RAPGEF5: variants seen among roughly 807,000 people sequenced by gnomAD.
RAPGEF5 encodes the protein Rap guanine nucleotide exchange factor 5.
Under a neutral mutation model 125.2 loss-of-function variants are expected in RAPGEF5, and 65 were observed. That is an observed-to-expected ratio of 0.52 (90% CI 0.43 to 0.64). The LOEUF is 0.64. Among genes scored for constraint, RAPGEF5 ranks in the 30% least tolerant of loss-of-function variants. The pLI is 0.00. For missense variants in RAPGEF5, 958 were observed against 1,048.1 expected, an observed-to-expected ratio of 0.91 and a Z score of 1.19; for synonymous variants, 391 against 385.9, an observed-to-expected ratio of 1.01 and a Z score of -0.16.
intron 5 of RAPGEF5, among the ~76,000 whole-genome samples, chr7:22,293,970 G>T (rs1782992841): frequency 6.6e-6 from 1 of 152,152 alleles, no homozygotes; most frequent in Non-Finnish European, 1.5e-5. Context: ...TTTAATGTGT[G>T]TAAATACTTT....
At position 22,251,295 on chromosome 7, in the gene RAPGEF5, C is replaced by T. The variant is rs576477851; in HGVS notation, c.796+15669G>A. Among the ~76,000 whole-genome samples, 446 of 145,090 alleles carry T rather than the reference C, an allele frequency of 3.1e-3. 2 individuals carry two copies. Among genetic ancestry groups the T allele is most frequent in the Non-Finnish European group, 3.2e-3 (211 of 66,060 alleles). On this transcript the variant is annotated intron_variant, in intron 7 of 25. Transcript: ENST00000665637. ...ATGCCACCCCCCCAGCAACCACTCA[C>T]GTACCCTCCAGTGCAAACCTTTATT...
At chr7:22,205,442 C>T (rs1038688439) in intron 9 of RAPGEF5, among the ~76,000 whole-genome samples, 1 of 152,216 alleles carries the variant, frequency 6.6e-6, no homozygotes, top group Admixed American at 6.5e-5. Context: ...AAACCACCCA[C>T]AATTTCCTTC....
intron 1 of RAPGEF5, among the ~76,000 whole-genome samples, chr7:22,331,788 C>T (rs1783926858): frequency 1.3e-5 from 2 of 150,106 alleles, no homozygotes; most frequent in African/African-American, 2.4e-5. Context: ...ACAGGAGGTA[C>T]CAAGTTGACC....
intron 7 of RAPGEF5, among the ~76,000 whole-genome samples, chr7:22,246,802 TG>T (rs780082870): frequency 6.6e-6 from 1 of 152,068 alleles, no homozygotes; most frequent in Non-Finnish European, 1.5e-5. Flanking sequence ...AACTACAACA[TG>T]GGGGAAAATA....
chr7:22,131,153 T>G (rs1782904289), intron 23 of RAPGEF5, 52 bp from the exon 24 acceptor site: 4 of 1,491,550 alleles, frequency 2.7e-6, no homozygotes, highest in Admixed American at 2.4e-5. Context: ...GGATCATGAG[T>G]CAGGGCTGAA....
At chr7:22,241,885 T>C (rs1249133421) in intron 7 of RAPGEF5, among the ~76,000 whole-genome samples, 1 of 152,082 alleles carries the variant, frequency 6.6e-6, no homozygotes, top group East Asian at 1.9e-4. Flanking sequence ...GCAGAATCTG[T>C]AGAGATTCTG....
chr7:22,268,374 A>G (rs1217960456), intron 6 of RAPGEF5, among the ~76,000 whole-genome samples: 1 of 152,252 alleles, frequency 6.6e-6, no homozygotes. Context: ...ACTGAGGCAG[A>G]CAGAAGTGAT....
At chr7:22,279,179 T>C (rs1782620550) in intron 6 of RAPGEF5, among the ~76,000 whole-genome samples, 1 of 152,198 alleles carries the variant, frequency 6.6e-6, no homozygotes, top group South Asian at 2.1e-4. Context: ...TTTTTAAAAC[T>C]GTCTTTTGCC....
chr7:22,329,784 G>A (rs923362104), intron 1 of RAPGEF5, among the ~76,000 whole-genome samples: 16 of 152,210 alleles, frequency 1.1e-4, no homozygotes, highest in African/African-American at 3.6e-4. Context: ...AAGGCAATGG[G>A]TGGATGAGTG....
intron 7 of RAPGEF5, among the ~76,000 whole-genome samples, chr7:22,253,670 G>C (rs1368291093): frequency 6.6e-6 from 1 of 152,130 alleles, no homozygotes; most frequent in Non-Finnish European, 1.5e-5. Flanking sequence ...AGCTTTTTAA[G>C]ATAACTTAAA....
chr7:22,254,314 G>GA lies in RAPGEF5; in HGVS notation c.796+12649dup, dbSNP rs112298255. Among the ~76,000 whole-genome samples, 706 of 129,180 alleles carry GA rather than the reference G, an allele frequency of 5.5e-3. 4 individuals are homozygous for GA. Among genetic ancestry groups the GA allele is most frequent in the African/African-American group, 0.016 (579 of 35,416 alleles). The allele number at this position is 129,180 out of a possible 152,430, so 84.7% of individuals were successfully genotyped here. A position where few individuals can be genotyped will look rare whatever the true frequency, so the allele number is the denominator to read the frequency against. On this transcript the variant is annotated intron_variant, in intron 7 of 25. Transcript: ENST00000665637. Reference sequence around the variant, plus strand: ...GACTTTAGACAAAGGGTAATCAAAAGAAAAAAAAAAAAGGCCGGGCATGGT... The same window carrying GA: ...GACTTTAGACAAAGGGTAATCAAAAGAAAAAAAAAAAAAGGCCGGGCATGGT...
At chr7:22,317,492 A>C (rs1783627190) in intron 2 of RAPGEF5, among the ~76,000 whole-genome samples, 1 of 152,040 alleles carries the variant, frequency 6.6e-6, no homozygotes, top group Non-Finnish European at 1.5e-5. Flanking sequence ...TGCCCACCTC[A>C]GCCTCCCAAA....
At chr7:22,293,459 G>A (rs546433613) in intron 5 of RAPGEF5, among the ~76,000 whole-genome samples, 1 of 152,062 alleles carries the variant, frequency 6.6e-6, no homozygotes, top group South Asian at 2.1e-4. Context: ...AAGCCTCTTC[G>A]ACAGTCTAGG....
At chr7:22,135,900 C>G in intron 23 of RAPGEF5, 138 bp downstream of exon 23, 2 of 612,338 alleles carry the variant, frequency 3.3e-6, no homozygotes, top group South Asian at 4.9e-5. Flanking sequence ...AAAACAATCA[C>G]AAGGCAACAC....
chr7:22,184,923 T>C (rs1040547700), intron 11 of RAPGEF5, among the ~76,000 whole-genome samples: 1 of 152,152 alleles, frequency 6.6e-6, no homozygotes, highest in African/African-American at 2.4e-5. Flanking sequence ...CTAGGACCTC[T>C]CTCTCTTTCT....
chr7:22,248,241 G>C (rs1786529472), intron 7 of RAPGEF5, among the ~76,000 whole-genome samples: 1 of 152,142 alleles, frequency 6.6e-6, no homozygotes, highest in South Asian at 2.1e-4. Context: ...CAACAAATGT[G>C]ATCTTTTGAT....
At chr7:22,238,622 A>G (rs1205478521) in intron 7 of RAPGEF5, among the ~76,000 whole-genome samples, 2 of 152,246 alleles carry the variant, frequency 1.3e-5, no homozygotes. Flanking sequence ...AGGAGTATTT[A>G]TAACTTTTCA....
At chr7:22,266,439 A>G (rs1782284264) in intron 7 of RAPGEF5, among the ~76,000 whole-genome samples, 1 of 152,122 alleles carries the variant, frequency 6.6e-6, no homozygotes, top group Non-Finnish European at 1.5e-5. Context: ...TCCTTTCCAC[A>G]TGTTACTTCC....
rs188557267 is a variant in RAPGEF5, at chr7:22,244,134, T to A, written c.797-13215A>T. On this transcript the variant is annotated intron_variant, in intron 7 of 25. Coordinates refer to ENST00000665637, the MANE Select transcript of RAPGEF5 (RefSeq NM_012294.5). ...GTTGCAAATGACATTATTTCCTTCT[T>A]TTTCAAGACTGAATAGTATTCTATT... 3.7e-4 allele frequency among the ~76,000 whole-genome samples: 57 copies of A among 152,270 alleles called. 1 individual carries two copies. In the Middle Eastern group the frequency reaches 0.01, roughly 27 times the overall value.
Sources: allele counts gnomAD v4.1 joint callset (sites outside exome capture counted in the v4.1 genomes callset), GRCh38; gene constraint gnomAD v4.1.1; transcripts MANE v1.5; gene names NCBI Gene and HGNC (gene_info 2026-07-23, HGNC 2026-07-21).